The following PGD variants were observed in gnomAD, a reference collection of about 807,000 sequenced individuals.
PGD encodes the protein 6-phosphogluconate dehydrogenase, decarboxylating.
In PGD, 21 loss-of-function variants were observed where a neutral mutation model predicts 60.4. The ratio of observed to expected loss-of-function variants is 0.35; its 90% CI spans 0.25 to 0.50. The LOEUF is 0.50. Ranked by LOEUF, PGD falls within the 20% of genes least tolerant of loss-of-function variation. PGD has a pLI of 0.98. For missense variants in PGD, 477 were observed against 613.1 expected, an observed-to-expected ratio of 0.78 and a Z score of 2.34; for synonymous variants, 230 against 235.9, an observed-to-expected ratio of 0.97 and a Z score of 0.23.
intron 4 of PGD, 113 bp from the exon 5 acceptor site, chr1:10,404,048 T>G: frequency 1.3e-6 from 1 of 746,848 alleles, no homozygotes; most frequent in South Asian, 1.8e-5. Flanking sequence ...GGCTCTCCAT[T>G]CCTATCTTAT....
chr1:10,399,383 C>T (rs1639270001), intron 1 of PGD: 1 of 512,644 alleles, frequency 2.0e-6, no homozygotes, highest in Non-Finnish European at 3.3e-6. Context: ...GCGGCCAGGC[C>T]TCGCCGAGTC....
chr1:10,415,315 A>G (rs1297688765), intron 8 of PGD: 1 of 152,226 alleles, frequency 6.6e-6, no homozygotes, highest in Non-Finnish European at 1.5e-5. Flanking sequence ...CTTTTAGCCG[A>G]TCTGAGCCAT....
At chr1:10,399,584 C>A (rs1639276139) in intron 1 of PGD, 45 bp from the exon 2 acceptor site, 1 of 1,552,674 alleles carries the variant, frequency 6.4e-7, no homozygotes, top group East Asian at 2.2e-5. Context: ...TGCAGCGCGT[C>A]GAGCGGTGCT....
rs1233490467 is a variant in PGD at position 10,417,277 on chromosome 1, C to T, written c.976-99C>T. On this transcript the variant is annotated intron_variant, in intron 9 of 12. Transcript: ENST00000270776. ...TACAATGTTTTCCTAGAATATTGGCCCTTCTGGGATCTCCACTGCTGATGA... is the reference window on the plus strand; with the variant it reads ...TACAATGTTTTCCTAGAATATTGGCTCTTCTGGGATCTCCACTGCTGATGA... The T allele has an allele frequency of 1.9e-5, 27 of 1,434,646 alleles. No homozygotes were observed. The East Asian group carries it at 5.5e-4, about 29-fold the overall frequency. The allele number at this position is 1,434,646 out of a possible 1,614,324, so 88.9% of individuals were successfully genotyped here.
intron 8 of PGD, 92 bp from the exon 9 acceptor site, chr1:10,416,895 G>A: frequency 2.5e-6 from 3 of 1,221,788 alleles, no homozygotes; most frequent in Non-Finnish European, 3.5e-6. Flanking sequence ...CCATCTGGAT[G>A]TATACATGCA....
Position 10,407,948 on chromosome 1 carries a change from C to CAAAAA in PGD, c.450-112_450-108dup, listed in dbSNP as rs71583867. ...TGGGTGACAACGTGAGACCCTGTCT[C>CAAAAA]AAAAAAAAAAAAAAAGAAAGGAAAA... is the stretch of plus-strand genomic sequence containing the variant. On this transcript the variant is annotated intron_variant, in intron 5 of 12. Transcript: ENST00000270776. The CAAAAA allele has an allele frequency of 4.6e-5, 27 of 583,126 alleles. No individual in the cohort carries two copies. The East Asian group carries it at 5.1e-4, about 11-fold the overall frequency. The allele number at this position is 583,126 out of a possible 1,614,324, so 36.1% of individuals were successfully genotyped here.
At position 10,408,126 on chromosome 1, in the gene PGD, C is replaced by G. The variant is rs201137057; in HGVS notation, c.505C>G (p.Pro169Ala). 5 of 1,595,922 alleles carry G rather than the reference C, an allele frequency of 3.1e-6. No homozygotes were observed. The highest frequency in any genetic ancestry group is 8.6e-7 in the Non-Finnish European group (1 of 1,163,314). ...TGCTGCAAAAGTGGGAACTGGAGAACCCTGCTGTGACTGGGCAAGTTCTGG... is the reference window on the plus strand; with the variant it reads ...TGCTGCAAAAGTGGGAACTGGAGAAGCCTGCTGTGACTGGGCAAGTTCTGG... ...GIAAKVGTGE[P>A]CCDWVGDEGA... is the part of the protein sequence containing the mutation. Residue 169 changes from proline to alanine, a missense_variant, in exon 6 of 13, where the codon CCC (proline) becomes GCC (alanine). This residue lies in a region of PGD where 431 missense variants were observed against 556.6 expected (regional missense o/e 0.77). Transcript: ENST00000270776.
rs1639331484 is a variant in PGD, at chr1:10,402,503, A to ATGGTGAGAC, written c.265-566_265-558dup. On this transcript the variant is annotated intron_variant, in intron 3 of 12. Transcript: ENST00000270776. ...GGAGTTTGAGACCAGCCTGGGCGAC[A>ATGGTGAGAC]TGGTGAGACTCCATCTCAAAAAAAA... Among the ~76,000 whole-genome samples the ATGGTGAGAC allele has an allele frequency of 2.0e-5, 3 of 151,482 alleles. No individual in the cohort carries two copies. In the South Asian group the frequency reaches 6.3e-4, roughly 32 times the overall value.
chr1:10,413,899 C>T (rs1476577917), intron 8 of PGD, among the ~76,000 whole-genome samples: 7 of 141,992 alleles, frequency 4.9e-5, no homozygotes, highest in African/African-American at 2.0e-4. Flanking sequence ...AGCGAGACTT[C>T]GTCTCAAAAA....
At position 10,416,998 on chromosome 1, in the gene PGD, T is replaced by C. The variant is rs373599760; in HGVS notation, c.856T>C (p.Phe286Leu). The C allele has an allele frequency of 6.2e-7, 1 of 1,613,500 alleles. No individual in the cohort carries two copies. Among genetic ancestry groups the C allele is most frequent in the African/African-American group, 1.3e-5 (1 of 74,920 alleles). The change falls in exon 9 of 13, where the codon TTT becomes CTT. Residue 286 changes from phenylalanine to leucine, a missense_variant. Around this residue, in one of 3 missense-constraint regions of PGD, gnomAD observed 431 missense variants for 556.6 expected, o/e 0.77. Transcript: ENST00000270776. The stretch of plus-strand genomic sequence containing the variant: ...ATCTCCCCATGTAGGAGAAGCTGTC[T>C]TTGCTCGGTGCTTATCATCTCTGAA... ...VPVTLIGEAV[F>L]ARCLSSLKDE... is the part of the protein sequence containing the mutation.
At chr1:10,419,373 C>T (rs575743938) in intron 11 of PGD, 44 bp from the exon 12 acceptor site, 23 of 1,593,858 alleles carry the variant, frequency 1.4e-5, no homozygotes, top group South Asian at 3.4e-5. Context: ...ATCCGCGTCA[C>T]CAGGGGCAGA....
At position 10,417,373 on chromosome 1, in the gene PGD, T is replaced by G. The variant is rs756492929; in HGVS notation, c.976-3T>G. 1 of 1,606,190 alleles carries G rather than the reference T, an allele frequency of 6.2e-7. No homozygotes were observed. Among genetic ancestry groups the G allele is most frequent in the Non-Finnish European group, 8.5e-7 (1 of 1,176,108 alleles). On this transcript the variant is annotated splice_polypyrimidine_tract_variant and splice_region_variant and intron_variant, in intron 9 of 12. Coordinates refer to ENST00000270776, the MANE Select transcript of PGD (RefSeq NM_002631.4). ...CCTAGTAGGTCTCTGTGTCACTCTTTAGGCACTCTACGCTTCCAAGATCAT... is the reference window on the plus strand; with the variant it reads ...CCTAGTAGGTCTCTGTGTCACTCTTGAGGCACTCTACGCTTCCAAGATCAT...
chr1:10,408,284 C>A, intron 6 of PGD, 144 bp downstream of exon 6: 1 of 657,702 alleles, frequency 1.5e-6, no homozygotes. Context: ...GAATAGCCAA[C>A]GCCTAGAATG....
intron 3 of PGD, among the ~76,000 whole-genome samples, chr1:10,401,661 C>T (rs1467117910): frequency 6.6e-6 from 1 of 152,186 alleles, no homozygotes; most frequent in Non-Finnish European, 1.5e-5. Flanking sequence ...GATTATTCTT[C>T]AGTATAGGAA....
At chr1:10,411,837 C>T (rs746224327) in intron 7 of PGD, among the ~76,000 whole-genome samples, 1 of 152,242 alleles carries the variant, frequency 6.6e-6, no homozygotes, top group South Asian at 2.1e-4. Flanking sequence ...TTTACTCCCA[C>T]AGTTGTCCCA....
chr1:10,415,728 C>T (rs569520635), intron 8 of PGD, among the ~76,000 whole-genome samples: 4 of 152,238 alleles, frequency 2.6e-5, no homozygotes, highest in Admixed American at 2.6e-4. Context: ...TCTGTTAGTT[C>T]CCTGAGATTT....
intron 5 of PGD, 140 bp from the exon 6 acceptor site, chr1:10,407,931 A>G (rs565011879): frequency 1.5e-6 from 1 of 662,918 alleles, no homozygotes; most frequent in African/African-American, 1.8e-5. Context: ...CCTGGGTGAC[A>G]ACGTGAGACC....
At chr1:10,399,837 T>C (rs1639285112) in intron 2 of PGD, 133 bp downstream of exon 2, 2 of 789,980 alleles carry the variant, frequency 2.5e-6, no homozygotes, top group Non-Finnish European at 4.2e-6. Flanking sequence ...GTGGCATTTT[T>C]GTATGGAAAG....
At chr1:10,402,814 C>T (rs769096328) in intron 3 of PGD, among the ~76,000 whole-genome samples, 10 of 152,104 alleles carry the variant, frequency 6.6e-5, no homozygotes, top group Non-Finnish European at 1.5e-5. Context: ...TGAGCCACCG[C>T]GCCTGGCCTA....
Sources: gnomAD v4.1 joint callset for allele counts (sites outside exome capture counted in the v4.1 genomes callset) on GRCh38, gnomAD v4.1.1 for gene constraint, gnomAD v4.1.1 regional missense constraint, MANE v1.5 for transcripts, NCBI Gene and HGNC (gene_info 2026-07-23, HGNC 2026-07-21) for gene names.